The following SPPL2B variants were observed in gnomAD, a reference collection of about 807,000 sequenced individuals.
The protein encoded by SPPL2B is signal peptide peptidase like 2B, also known as signal peptide peptidase-like 2B.
In SPPL2B, 39 loss-of-function variants were observed where a neutral mutation model predicts 59.7. That is an observed-to-expected ratio of 0.65 (90% CI 0.51 to 0.85). The LOEUF (loss-of-function observed/expected upper bound fraction) is 0.85. SPPL2B is among the 40% of genes least tolerant of loss of function. The probability of loss-of-function intolerance (pLI) is 0.00; values close to 1 mark genes in which losing one functional copy is unlikely to be tolerated. For missense variants in SPPL2B, 865 were observed against 849.0 expected, an observed-to-expected ratio of 1.02 and a Z score of -0.23; for synonymous variants, 419 against 370.8, an observed-to-expected ratio of 1.13 and a Z score of -1.49.
chr19:2,351,768 C>T (rs548861067), intron 14 of SPPL2B, 174 bp downstream of exon 14: 3 of 620,706 alleles, frequency 4.8e-6, no homozygotes, highest in South Asian at 2.0e-5. Context: ...GAAGGACGTG[C>T]GTGCAGCTCC....
rs1186732486 is a variant in SPPL2B at position 2,343,990 on chromosome 19, T to C, written c.1064T>C (p.Leu355Pro). The C allele has an allele frequency of 2.6e-6, 4 of 1,548,514 alleles. No individual in the cohort carries two copies. The highest frequency in any genetic ancestry group is 3.5e-6 in the Non-Finnish European group (4 of 1,146,716). Residue 355 changes from leucine (L) to proline (P), a missense_variant, in exon 10 of 15, where the codon CTG (leucine) becomes CCG (proline). Leu to Pro is a moderately conservative substitution (Grantham distance 98). Coordinates refer to ENST00000613503, the MANE Select transcript of SPPL2B (RefSeq NM_152988.3). ...GCCTGCACGCTGCTGCTGCTGGTGCTGTTCCTCTACGACATCTTCTTCGTG... is the reference window on the plus strand; with the variant it reads ...GCCTGCACGCTGCTGCTGCTGGTGCCGTTCCTCTACGACATCTTCTTCGTG... ...FKACTLLLLV[L>P]FLYDIFFVFI... is the part of the protein sequence containing the mutation.
In SPPL2B at chr19:2,339,026, C is replaced by T. The variant is rs538492060; in HGVS notation, c.460-43C>T. 4.3e-4 allele frequency: 663 copies of T among 1,533,206 alleles called. 6 individuals carry two copies. In the South Asian group the frequency reaches 7.1e-3, roughly 16 times the overall value. 95.0% of individuals were successfully genotyped at this position (1,533,206 alleles called of 1,614,324 possible). A position where few individuals can be genotyped will look rare whatever the true frequency, so the allele number is the denominator to read the frequency against. ...CAGCTGCACGTCGACCCATGGCTGG[C>T]GGGTGGCTCTGACGCCTGCCTCCGG... On this transcript the variant is annotated intron_variant, in intron 4 of 14. Transcript: ENST00000613503.
At chr19:2,349,184 G>A (rs1320424567) in intron 13 of SPPL2B, among the ~76,000 whole-genome samples, 1 of 41,370 alleles carries the variant, frequency 2.4e-5, no homozygotes, top group Non-Finnish European at 4.5e-5. Context: ...ACACTCACGC[G>A]CTGTCATTCG....
Position 2,332,658 on chromosome 19 carries a change from G to A in SPPL2B, c.67-1944G>A, listed in dbSNP as rs1303995642. ...GCCCTGCAGCCCCAGAAGGCTGAGG[G>A]CTGGGTGCTCCTGAGAACGGGCAGG... On this transcript the variant is annotated intron_variant, in intron 1 of 14. Coordinates refer to ENST00000613503, the MANE Select transcript of SPPL2B (RefSeq NM_152988.3). The surrounding 1 kb of genome is among the most constrained non-coding windows in gnomAD (Gnocchi z 4.6). 6.6e-6 allele frequency among the ~76,000 whole-genome samples: 1 copy of A among 152,194 alleles called. No homozygotes were observed. Among genetic ancestry groups the A allele is most frequent in the East Asian group, 1.9e-4 (1 of 5,192 alleles).
In SPPL2B at chr19:2,343,989, C is replaced by T. The variant is rs1268303807; in HGVS notation, c.1063C>T (p.Leu355=). The T allele has an allele frequency of 2.6e-6, 4 of 1,548,382 alleles. No individual in the cohort carries two copies. The highest frequency in any genetic ancestry group is 2.6e-6 in the Non-Finnish European group (3 of 1,146,716). Residue 355 remains leucine (L), a synonymous_variant, in exon 10 of 15, where the codon CTG becomes TTG. Coordinates refer to ENST00000613503, the MANE Select transcript of SPPL2B (RefSeq NM_152988.3). ...FKACTLLLLV[L]FLYDIFFVFI... is the part of the protein sequence containing the mutation. ...GGCCTGCACGCTGCTGCTGCTGGTG[C>T]TGTTCCTCTACGACATCTTCTTCGT...
intron 8 of SPPL2B, 177 bp downstream of exon 8, chr19:2,341,191 A>G (rs1969022864): frequency 2.9e-6 from 2 of 694,226 alleles, no homozygotes. Flanking sequence ...AGGGCGTTTC[A>G]CCTGGGGTTT....
intron 12 of SPPL2B, 36 bp downstream of exon 12, chr19:2,344,688 TG>T: frequency 7.2e-7 from 1 of 1,395,112 alleles, no homozygotes; most frequent in Non-Finnish European, 1.0e-6. Flanking sequence ...GTCCACGCTG[TG>T]GGGCAGGGCC....
At position 2,344,424 on chromosome 19, in the gene SPPL2B, G is replaced by C. The variant is rs1434687938; in HGVS notation, c.1176G>C (p.Lys392Asn). 6.4e-6 allele frequency: 10 copies of C among 1,569,576 alleles called. No individual in the cohort carries two copies. Among genetic ancestry groups the C allele is most frequent in the Non-Finnish European group, 6.0e-6 (7 of 1,157,774 alleles). ...CCTCGGACTCAGCCACCCGTGAGAA[G>C]GTGTGTCTTCTGACTGCAGGGTCTC... ...TGPSDSATRE[K>N]LPMVLKVPRL... The change falls in exon 11 of 15, where the codon AAG becomes AAC. Residue 392 changes from lysine to asparagine, a missense_variant and splice_region_variant. By Grantham distance (94) the Lys-to-Asn change is moderately conservative. Transcript: ENST00000613503.
chr19:2,337,859 TTGGCCGTGGTCTTGTTGGG>T (rs1968747311), intron 3 of SPPL2B: 1 of 507,518 alleles, frequency 2.0e-6, no homozygotes, highest in Admixed American at 3.8e-5. Context: ...CTGTGGAACT[TTGGCCGTGGTCTTGTTGGG>T]TGCCTGTCCT....
At position 2,344,570 on chromosome 19, in the gene SPPL2B, G is replaced by A; in HGVS notation, c.1194G>A (p.Lys398=). Residue 398 remains lysine, a synonymous_variant, in exon 12 of 15, where the codon AAG becomes AAA. Coordinates refer to ENST00000613503, the MANE Select transcript of SPPL2B (RefSeq NM_152988.3). ...ATREKLPMVL[K]VPRLNSSPLA... ...CTTTGCAGCTGCCCATGGTCCTGAA[G>A]GTGCCCAGGCTGAACTCCTCACCTC... The A allele has an allele frequency of 1.9e-6, 3 of 1,613,076 alleles. No homozygotes were observed. In the South Asian group the frequency reaches 3.3e-5, roughly 18 times the overall value.
At chr19:2,344,846 C>A (rs1050607704) in intron 12 of SPPL2B, among the ~76,000 whole-genome samples, 194 bp downstream of exon 12, 3 of 152,162 alleles carry the variant, frequency 2.0e-5, no homozygotes, top group Non-Finnish European at 4.4e-5. Context: ...GGGGTAGGGA[C>A]CCCCTTTGTT....
chr19:2,338,906 G>C (rs1484103840), intron 4 of SPPL2B, 65 bp downstream of exon 4: 4 of 1,552,736 alleles, frequency 2.6e-6, no homozygotes. Context: ...CGGGCTGGCT[G>C]CCGGGGGGGT....
intron 3 of SPPL2B, 178 bp from the exon 4 acceptor site, chr19:2,338,574 T>G: frequency 3.6e-6 from 2 of 560,326 alleles, no homozygotes; most frequent in Non-Finnish European, 3.2e-6. Flanking sequence ...GGCCTCCCTG[T>G]TCTTGGGTCC....
chr19:2,346,217 C>T (rs554953135), intron 13 of SPPL2B, among the ~76,000 whole-genome samples: 1 of 152,364 alleles, frequency 6.6e-6, no homozygotes, highest in South Asian at 2.1e-4. Flanking sequence ...CCGAGCCACG[C>T]CCCCGACCCT....
Position 2,343,961 on chromosome 19 carries a change from G to T in SPPL2B, c.1039-4G>T, listed in dbSNP as rs373550130. ...GGGGCCGCCCTCAGCCGTGGGCTTC[G>T]CAGGCCTGCACGCTGCTGCTGCTGG... On this transcript the variant is annotated splice_polypyrimidine_tract_variant and splice_region_variant and intron_variant, in intron 9 of 14. Coordinates refer to ENST00000613503, the MANE Select transcript of SPPL2B (RefSeq NM_152988.3). The T allele has an allele frequency of 1.1e-5, 17 of 1,547,432 alleles. No homozygotes were observed. In the African/African-American group the frequency reaches 1.9e-4, roughly 17 times the overall value.
chr19:2,331,971 GA>G (rs2145137562), intron 1 of SPPL2B, among the ~76,000 whole-genome samples: 1 of 152,380 alleles, frequency 6.6e-6, no homozygotes, highest in Admixed American at 6.5e-5. Context: ...CCTCCTGGAG[GA>G]GGGGTTCTGG....
chr19:2,344,562 G>A lies in SPPL2B; in HGVS notation c.1186G>A (p.Val396Ile). The A allele has an allele frequency of 6.2e-7, 1 of 1,612,806 alleles. No individual in the cohort carries two copies. The highest frequency in any genetic ancestry group is 1.1e-5 in the South Asian group (1 of 90,974). The part of the protein sequence containing the change: ...DSATREKLPM[V>I]LKVPRLNSSP... ...CTTCCCGTCTTTGCAGCTGCCCATG[G>A]TCCTGAAGGTGCCCAGGCTGAACTC... is the stretch of plus-strand genomic sequence containing the variant. Residue 396 changes from valine (V) to isoleucine (I), a missense_variant, in exon 12 of 15, where the codon GTC becomes ATC. By Grantham distance (29) the Val-to-Ile change is conservative. Coordinates refer to ENST00000613503, the MANE Select transcript of SPPL2B (RefSeq NM_152988.3).
At chr19:2,342,756 G>A (rs1029888050) in intron 8 of SPPL2B, 7 of 183,234 alleles carry the variant, frequency 3.8e-5, no homozygotes, top group South Asian at 1.2e-4. Flanking sequence ...TGCCTACAGC[G>A]TGACGCCCAC....
At chr19:2,341,709 T>C in intron 8 of SPPL2B, 1 of 417,572 alleles carries the variant, frequency 2.4e-6, no homozygotes, top group Non-Finnish European at 5.0e-6. Context: ...AGAAGGAAGA[T>C]GTGAAAATAT....
Sources: gnomAD v4.1 joint callset for allele counts (sites outside exome capture counted in the v4.1 genomes callset) on GRCh38, gnomAD v4.1.1 for gene constraint, Gnocchi (gnomAD v3.1) non-coding constraint, MANE v1.5 for transcripts, NCBI Gene and HGNC (gene_info 2026-07-23, HGNC 2026-07-21) for gene names.